Variants in NMNAT3 observed in about 807,000 individuals in gnomAD.
NMNAT3 encodes nicotinamide/nicotinic acid mononucleotide adenylyltransferase 3.
Under a neutral mutation model 24.8 loss-of-function variants are expected in NMNAT3, and 21 were observed. That is an observed-to-expected ratio of 0.85 (90% CI 0.60 to 1.22). The LOEUF is 1.22. Among genes scored for constraint, NMNAT3 ranks in the 50% most tolerant of loss-of-function variants. NMNAT3 has a pLI of 0.00. For synonymous variants in NMNAT3, 136 were observed against 155.2 expected (o/e 0.88, Z 0.92); for missense variants, 387 against 436.6 (o/e 0.89, Z 1.01).
intron 1 of NMNAT3, among the ~76,000 whole-genome samples, chr3:139,676,389 T>C (rs143012491): frequency 3.3e-5 from 5 of 152,356 alleles, no homozygotes; most frequent in African/African-American, 4.8e-5. Flanking sequence ...GGTCCCAGCA[T>C]AGTTGCTGCT....
chr3:139,564,964 C>G (rs914134807), intron 6 of NMNAT3, among the ~76,000 whole-genome samples: 2 of 152,222 alleles, frequency 1.3e-5, no homozygotes, highest in South Asian at 2.1e-4. Context: ...TAGTGTATTT[C>G]CTTAGTCTTT....
chr3:139,575,957 G>A (rs748335810), intron 5 of NMNAT3: 91 of 1,288,302 alleles, frequency 7.1e-5, no homozygotes, highest in South Asian at 3.6e-4. Flanking sequence ...GTGTGTGACC[G>A]TGATTAACGT....
At chr3:139,612,965 C>T (rs1559909783) in intron 3 of NMNAT3, among the ~76,000 whole-genome samples, 1 of 152,146 alleles carries the variant, frequency 6.6e-6, no homozygotes, top group Non-Finnish European at 1.5e-5. Context: ...CTTCCTTACA[C>T]CTTATACAAA....
At chr3:139,622,865 T>TATAA (rs71627862) in intron 3 of NMNAT3, among the ~76,000 whole-genome samples, 1 of 144,864 alleles carries the variant, frequency 6.9e-6, no homozygotes, top group Non-Finnish European at 1.5e-5. Context: ...TATATATATA[T>TATAA]AAACAGTATA....
chr3:139,594,808 A>AT (rs1559887918), intron 3 of NMNAT3, among the ~76,000 whole-genome samples: 10 of 152,246 alleles, frequency 6.6e-5, no homozygotes, highest in Non-Finnish European at 1.5e-5. Flanking sequence ...GATGAGACGT[A>AT]TCTCAAAATA....
chr3:139,629,331 C>T (rs116131796), intron 2 of NMNAT3, among the ~76,000 whole-genome samples: 2,409 of 152,218 alleles, frequency 0.016, 64 homozygotes, highest in African/African-American at 0.055. Context: ...TGATCTTTCC[C>T]CAGTCAAGTT....
At chr3:139,614,026 T>C (rs1269441942) in intron 3 of NMNAT3, among the ~76,000 whole-genome samples, 1 of 151,946 alleles carries the variant, frequency 6.6e-6, no homozygotes, top group Non-Finnish European at 1.5e-5. Context: ...TTAGGAGATA[T>C]ACCTAATGTA....
At chr3:139,592,949 G>T (rs2054269265) in intron 3 of NMNAT3, among the ~76,000 whole-genome samples, 1 of 152,104 alleles carries the variant, frequency 6.6e-6, no homozygotes, top group African/African-American at 2.4e-5. Flanking sequence ...ATAATGACAG[G>T]ATCAAATTCA....
At chr3:139,638,212 A>C (rs745430620) in intron 1 of NMNAT3, 150 bp from the exon 2 acceptor site, 2 of 152,238 alleles carry the variant, frequency 1.3e-5, no homozygotes, top group Non-Finnish European at 2.9e-5. Context: ...CTGGGGTGTC[A>C]GTTCCCTTCC....
intron 1 of NMNAT3, among the ~76,000 whole-genome samples, chr3:139,643,385 C>T (rs1218141718): frequency 6.6e-6 from 1 of 152,150 alleles, no homozygotes. Flanking sequence ...GAATTAAAAA[C>T]AGTGATACAA....
intron 3 of NMNAT3, among the ~76,000 whole-genome samples, chr3:139,596,964 A>ATAT (rs1405063694): frequency 1.8e-5 from 2 of 108,536 alleles, no homozygotes; most frequent in Non-Finnish European, 3.7e-5. Flanking sequence ...ATATATATAT[A>ATAT]TTTTTATTAC....
At chr3:139,596,916 GTATATATATATATATATATATATA>G (rs58824425) in intron 3 of NMNAT3, among the ~76,000 whole-genome samples, 10,903 of 97,408 alleles carry the variant, frequency 0.11, 1,445 homozygotes, top group East Asian at 0.47. Context: ...TGTCATGTGT[GTATATATATATATATATATATATA>G]TATATATATA....
At chr3:139,622,782 TATATATATG>T (rs1293890326) in intron 3 of NMNAT3, among the ~76,000 whole-genome samples, 95 of 142,122 alleles carry the variant, frequency 6.7e-4, no homozygotes, top group African/African-American at 2.0e-3. Context: ...ATATATATGA[TATATATATG>T]ATATATATGA....
chr3:139,623,688 A>G (rs992099665), intron 3 of NMNAT3, among the ~76,000 whole-genome samples: 8 of 152,090 alleles, frequency 5.3e-5, no homozygotes, highest in South Asian at 2.1e-4. Context: ...GGTTCAAGCA[A>G]TTCCCTGCCT....
intron 1 of NMNAT3, among the ~76,000 whole-genome samples, chr3:139,639,885 T>A (rs561306528): frequency 6.6e-6 from 1 of 152,196 alleles, no homozygotes; most frequent in African/African-American, 2.4e-5. Flanking sequence ...GACAGACAAT[T>A]GAGAAGAGAA....
At chr3:139,585,775 C>T (rs140625881) in intron 3 of NMNAT3, among the ~76,000 whole-genome samples, 117 of 152,308 alleles carry the variant, frequency 7.7e-4, no homozygotes, top group African/African-American at 2.8e-3. Flanking sequence ...TCCTCTTTTG[C>T]CTCAGCACTA....
chr3:139,615,531 T>G (rs752663382), intron 3 of NMNAT3, among the ~76,000 whole-genome samples: 3 of 151,924 alleles, frequency 2.0e-5, no homozygotes, highest in Non-Finnish European at 4.4e-5. Context: ...TATCTATCCT[T>G]TTTATCTTAT....
chr3:139,617,507 G>A (rs1357653093), intron 3 of NMNAT3, among the ~76,000 whole-genome samples: 1 of 152,126 alleles, frequency 6.6e-6, no homozygotes, highest in Non-Finnish European at 1.5e-5. Context: ...CACCTGGTAG[G>A]GCTGTTATGA....
intron 4 of NMNAT3, among the ~76,000 whole-genome samples, chr3:139,581,847 A>C (rs1211425919): frequency 1.3e-5 from 2 of 152,102 alleles, no homozygotes; most frequent in Non-Finnish European, 2.9e-5. Context: ...AATACTCTTG[A>C]AACATACGTA....
Sources: allele counts gnomAD v4.1 joint callset (sites outside exome capture counted in the v4.1 genomes callset), GRCh38; gene constraint gnomAD v4.1.1; transcripts MANE v1.5; gene names NCBI Gene and HGNC (gene_info 2026-07-23, HGNC 2026-07-21).